NF1: variants seen among roughly 807,000 people sequenced by gnomAD.
NF1 encodes neurofibromin.
NF1 carries 122 observed loss-of-function variants against 325.7 expected under a neutral mutation model. The ratio of observed to expected loss-of-function variants is 0.37; its 90% CI spans 0.32 to 0.44. NF1 has a LOEUF of 0.44. Among genes scored for constraint, NF1 ranks in the 20% least tolerant of loss-of-function variants. The pLI is 1.00. For missense variants in NF1, 2,140 were observed against 3,415.4 expected, an observed-to-expected ratio of 0.63 and a Z score of 9.31; for synonymous variants, 1,091 against 1,186.0, an observed-to-expected ratio of 0.92 and a Z score of 1.65.
chr17:31,360,335 A>G, intron 56 of NF1, 152 bp from the exon 57 acceptor site: 1 of 688,376 alleles, frequency 1.5e-6, no homozygotes, highest in Admixed American at 2.3e-5. Context: ...ATGGTAGTCT[A>G]TAAATATTAC....
At chr17:31,145,788 A>G (rs1916546323) in intron 1 of NF1, among the ~76,000 whole-genome samples, 4 of 152,228 alleles carry the variant, frequency 2.6e-5, no homozygotes, top group South Asian at 4.1e-4. Context: ...AGGGAACAAA[A>G]GAAGTATCAT....
At chr17:31,339,475 G>A (rs1473628454) in intron 46 of NF1, among the ~76,000 whole-genome samples, 1 of 152,174 alleles carries the variant, frequency 6.6e-6, no homozygotes, top group African/African-American at 2.4e-5. Flanking sequence ...TTCTAAAGTG[G>A]TTTAATTCTG....
chr17:31,310,504 T>A (rs2151516080), intron 36 of NF1, among the ~76,000 whole-genome samples: 1 of 152,242 alleles, frequency 6.6e-6, no homozygotes, highest in Admixed American at 6.5e-5. Flanking sequence ...GGCCTGTGTT[T>A]GTGAGTGCAG....
Position 31,230,383 on chromosome 17 carries a change from G to A in NF1, c.3113+1G>A, listed in dbSNP as rs267606599. 6.2e-7 allele frequency: 1 copy of A among 1,613,356 alleles called. No individual in the cohort carries two copies. The highest frequency in any genetic ancestry group is 1.7e-5 in the Admixed American group (1 of 59,998). On this transcript the variant is annotated splice_donor_variant, in intron 23 of 57. Transcript: ENST00000358273. LOFTEE classifies it high-confidence loss of function. ...CATTTTGCCAAGAGATGAAATTTAG[G>A]TGAGTTCTCAAAAGAGCAATGTAGG...
At position 31,229,222 on chromosome 17, in the gene NF1, A is replaced by G. The variant is rs2151429237; in HGVS notation, c.2607A>G (p.Pro869=). 6.2e-7 allele frequency: 1 copy of G among 1,612,182 alleles called. No individual in the cohort carries two copies. The highest frequency in any genetic ancestry group is 1.7e-5 in the Admixed American group (1 of 60,022). The change falls in exon 21 of 58, where the codon CCA becomes CCG. Residue 869 remains proline (P), a synonymous_variant. Coordinates refer to ENST00000358273, the MANE Select transcript of NF1 (RefSeq NM_001042492.3). The part of the protein sequence containing the change: ...GLATYSPPMG[P]VSERKGSMIS... Reference sequence around the variant, plus strand: ...CAACCTATAGCCCACCCATGGGTCCAGTCAGTGAACGTAAGGGTTCTATGA... The same window carrying G: ...CAACCTATAGCCCACCCATGGGTCCGGTCAGTGAACGTAAGGGTTCTATGA...
At chr17:31,305,232 T>C (rs2068682881) in intron 36 of NF1, 2 of 1,614,066 alleles carry the variant, frequency 1.2e-6, no homozygotes, top group Admixed American at 1.7e-5. Context: ...ATGGTAGTTG[T>C]CTGGCAGAGG....
Position 31,108,262 on chromosome 17 carries a change from G to GTTT in NF1, c.60+12919_60+12921dup, listed in dbSNP as rs56180844. ...AAAGTTTCCAACATAAAAGTAGAGA[G>GTTT]TTTTTTTTTTTTTTTTTTTTTTTTT... is the stretch of plus-strand genomic sequence containing the variant. On this transcript the variant is annotated intron_variant, in intron 1 of 57. Coordinates refer to ENST00000358273, the MANE Select transcript of NF1 (RefSeq NM_001042492.3). Among the ~76,000 whole-genome samples, 10 of 82,518 alleles carry GTTT rather than the reference G, an allele frequency of 1.2e-4. 1 individual carries two copies. Among genetic ancestry groups the GTTT allele is most frequent in the East Asian group, 3.4e-4 (1 of 2,974 alleles). The allele number at this position is 82,518 out of a possible 152,430, so 54.1% of individuals were successfully genotyped here. A position where few individuals can be genotyped will look rare whatever the true frequency, so the allele number is the denominator to read the frequency against.
chr17:31,182,133 G>A (rs1470089704), intron 7 of NF1, among the ~76,000 whole-genome samples: 1 of 152,182 alleles, frequency 6.6e-6, no homozygotes, highest in Non-Finnish European at 1.5e-5. Flanking sequence ...CACCTATAAT[G>A]TAAGACACAA....
intron 36 of NF1, chr17:31,296,015 G>A: frequency 2.5e-6 from 4 of 1,614,120 alleles, no homozygotes; most frequent in Non-Finnish European, 3.4e-6. Context: ...GTTGTTAGCA[G>A]CAGACATGTT....
chr17:31,203,751 C>T (rs2066572374), intron 11 of NF1, among the ~76,000 whole-genome samples: 1 of 151,916 alleles, frequency 6.6e-6, no homozygotes, highest in African/African-American at 2.4e-5. Flanking sequence ...TTCTCTTCTC[C>T]CATGGTTCTT....
intron 20 of NF1, among the ~76,000 whole-genome samples, 183 bp from the exon 21 acceptor site, chr17:31,228,842 G>T (rs560265645): frequency 4.6e-5 from 7 of 152,278 alleles, no homozygotes; most frequent in African/African-American, 1.7e-4. Context: ...TTATATTAGT[G>T]TATGATAAAA....
At chr17:31,335,378 T>C (rs2069640647) in intron 40 of NF1, among the ~76,000 whole-genome samples, 1 of 145,576 alleles carries the variant, frequency 6.9e-6, no homozygotes, top group Non-Finnish European at 1.5e-5. Flanking sequence ...GTGACATTTC[T>C]AGTGCTTTAT....
intron 4 of NF1, among the ~76,000 whole-genome samples, chr17:31,168,716 T>C (rs192138835): frequency 3.3e-5 from 5 of 152,316 alleles, no homozygotes; most frequent in African/African-American, 1.2e-4. Context: ...TGTCCTATTA[T>C]TGACTTTTAA....
intron 14 of NF1, among the ~76,000 whole-genome samples, chr17:31,219,569 G>A (rs1415045075): frequency 1.3e-5 from 2 of 151,548 alleles, no homozygotes; most frequent in Non-Finnish European, 2.9e-5. Flanking sequence ...TGCCATGTTG[G>A]TGTGCTGCAC....
chr17:31,131,062 C>T (rs889237667), intron 1 of NF1, among the ~76,000 whole-genome samples: 1 of 152,182 alleles, frequency 6.6e-6, no homozygotes, highest in Non-Finnish European at 1.5e-5. Flanking sequence ...GGTCACACCA[C>T]CCCCACCTTA....
In NF1 at chr17:31,232,621, T is replaced by C. The variant is rs190681668; in HGVS notation, c.3315-79T>C. On this transcript the variant is annotated intron_variant, in intron 25 of 57. Transcript: ENST00000358273. ...CAGGGCCATTCACACCATGCACATA[T>C]GATTGTTTTGGAATGTCTGGTTAGC... 42 of 1,338,390 alleles carry C rather than the reference T, an allele frequency of 3.1e-5. 1 individual carries two copies. The East Asian group carries it at 8.1e-4, about 26-fold the overall frequency. The allele number at this position is 1,338,390 out of a possible 1,614,324, so 82.9% of individuals were successfully genotyped here.
intron 38 of NF1, among the ~76,000 whole-genome samples, chr17:31,329,276 A>G (rs2069422296): frequency 6.6e-6 from 1 of 152,258 alleles, no homozygotes; most frequent in Non-Finnish European, 1.5e-5. Context: ...TTCTAATTCA[A>G]AGATCTTCAT....
intron 36 of NF1, chr17:31,294,960 C>A (rs771528005): frequency 1.3e-5 from 21 of 1,612,652 alleles, no homozygotes; most frequent in Non-Finnish European, 1.6e-5. Flanking sequence ...ATTTTCCCAA[C>A]TGTACATCAG....
intron 13 of NF1, among the ~76,000 whole-genome samples, chr17:31,216,821 A>G (rs879467828): frequency 6.6e-6 from 1 of 152,058 alleles, no homozygotes; most frequent in Admixed American, 6.6e-5. Context: ...TCTTCCTTTC[A>G]GTCTTTCTAA....
Sources: allele counts gnomAD v4.1 joint callset (sites outside exome capture counted in the v4.1 genomes callset), GRCh38; gene constraint gnomAD v4.1.1; transcripts MANE v1.5; gene names NCBI Gene and HGNC (gene_info 2026-07-23, HGNC 2026-07-21).